GNB1: variants seen among roughly 807,000 people sequenced by gnomAD.
The protein encoded by GNB1 is guanine nucleotide-binding protein G(I)/G(S)/G(T) subunit beta-1.
Under a neutral mutation model 42.9 loss-of-function variants are expected in GNB1, and 2 were observed. The observed-to-expected ratio is 0.05, with a 90% CI of 0.02 to 0.15. The LOEUF (loss-of-function observed/expected upper bound fraction) is 0.15, where lower values mean the gene tolerates loss of function less well. GNB1 is among the 10% of genes least tolerant of loss of function. The probability of loss-of-function intolerance (pLI) is 1.00; values close to 1 mark genes in which losing one functional copy is unlikely to be tolerated. For missense variants in GNB1, 193 were observed against 462.2 expected (o/e 0.42, Z 5.34); for synonymous variants, 183 against 174.7 (o/e 1.05, Z -0.38).
At chr1:1,806,980 G>GA (rs1338858229) in intron 5 of GNB1, among the ~76,000 whole-genome samples, 1 of 151,326 alleles carries the variant, frequency 6.6e-6, no homozygotes, top group Non-Finnish European at 1.5e-5. Context: ...TTTCAAGAAA[G>GA]AAAGAAAGAA....
rs184292844 is a variant in GNB1 at position 1,877,063 on chromosome 1, G to A, written c.-96+13757C>T. On this transcript the variant is annotated intron_variant, in intron 1 of 11. Transcript: ENST00000378609. ...TGCCTGTAATCTCAGCACTTTGGGA[G>A]GCCAAGGTGGGCGGATCACTTGAGG... Among the ~76,000 whole-genome samples, 1,250 of 152,166 alleles carry A rather than the reference G, an allele frequency of 8.2e-3. 21 individuals are homozygous for A. Among genetic ancestry groups the A allele is most frequent in the African/African-American group, 0.029 (1,213 of 41,502 alleles).
intron 4 of GNB1, among the ~76,000 whole-genome samples, chr1:1,816,173 C>A (rs1646852439): frequency 6.6e-6 from 1 of 152,244 alleles, no homozygotes; most frequent in Admixed American, 6.5e-5. Flanking sequence ...CCATCCAGGA[C>A]CATCTCCTCC....
intron 1 of GNB1, among the ~76,000 whole-genome samples, chr1:1,859,085 G>C (rs983171954): frequency 6.6e-6 from 1 of 150,694 alleles, no homozygotes; most frequent in African/African-American, 2.4e-5. Context: ...GCAATAGCGC[G>C]ATCTCAGCTC....
At chr1:1,788,729 G>A in intron 10 of GNB1, 1 of 283,718 alleles carries the variant, frequency 3.5e-6, no homozygotes, top group Non-Finnish European at 6.9e-6. Flanking sequence ...AGGTGTCCCT[G>A]CATGGAACTC....
At chr1:1,809,530 A>G (rs191969453) in intron 5 of GNB1, among the ~76,000 whole-genome samples, 1 of 152,288 alleles carries the variant, frequency 6.6e-6, no homozygotes, top group Admixed American at 6.5e-5. Context: ...TTTCTACGTA[A>G]TGGTATCATG....
At chr1:1,797,125 C>G (rs1453828767) in intron 7 of GNB1, among the ~76,000 whole-genome samples, 2 of 152,180 alleles carry the variant, frequency 1.3e-5, no homozygotes, top group Non-Finnish European at 2.9e-5. Context: ...AGATGCAGCC[C>G]TGTGAGGAAA....
chr1:1,811,349 A>C (rs1646776143), intron 5 of GNB1, among the ~76,000 whole-genome samples: 3 of 151,922 alleles, frequency 2.0e-5, no homozygotes, highest in African/African-American at 7.2e-5. Context: ...TGGCCTCCCA[A>C]AGTGCTGGGG....
At chr1:1,832,786 A>C (rs148912677) in intron 2 of GNB1, among the ~76,000 whole-genome samples, 91 of 152,352 alleles carry the variant, frequency 6.0e-4, no homozygotes, top group African/African-American at 2.0e-3. Flanking sequence ...AATAGGGTAC[A>C]GATATTGAAA....
intron 5 of GNB1, among the ~76,000 whole-genome samples, chr1:1,808,950 GT>G (rs1189626554): frequency 6.6e-6 from 1 of 152,102 alleles, no homozygotes; most frequent in African/African-American, 2.4e-5. Context: ...CAAAACACAG[GT>G]TTTAACTATT....
intron 7 of GNB1, among the ~76,000 whole-genome samples, chr1:1,804,000 A>C (rs1407714332): frequency 2.4e-5 from 3 of 123,260 alleles, no homozygotes; most frequent in Admixed American, 8.8e-5. Flanking sequence ...AAAAAAAAAA[A>C]AAAGAAAAAA....
rs79118358 is a variant in GNB1, at chr1:1,872,341, C to T, written c.-96+18479G>A. ...CTTAAAATTTTTCAACGGCTTCCCA[C>T]TGCATCAAGGAAAACATCCAAGCTC... On this transcript the variant is annotated intron_variant, in intron 1 of 11. Transcript: ENST00000378609. Among the ~76,000 whole-genome samples the T allele has an allele frequency of 8.4e-3, 1,279 of 152,334 alleles. 22 individuals are homozygous for T. The highest frequency in any genetic ancestry group is 0.03 in the African/African-American group (1,228 of 41,562).
chr1:1,815,720 T>C (rs1646844616), intron 5 of GNB1, 36 bp downstream of exon 5: 1 of 1,083,688 alleles, frequency 9.2e-7, no homozygotes, highest in Non-Finnish European at 1.4e-6. Context: ...AGCCCCTGAA[T>C]GTAACAAGCA....
At chr1:1,881,311 C>T (rs545169335) in intron 1 of GNB1, among the ~76,000 whole-genome samples, 2 of 152,204 alleles carry the variant, frequency 1.3e-5, no homozygotes, top group South Asian at 4.2e-4. Context: ...GACTAGAGTC[C>T]CCTCCCTCCC....
rs2100440643 is a variant in GNB1, at chr1:1,786,441, C to T, written c.*622G>A. The stretch of plus-strand genomic sequence containing the variant: ...TTCTTTTCTATGCCACGTTTGTGTG[C>T]AACAATGATCTGTGACATCAGACAG... On this transcript the variant is annotated 3_prime_UTR_variant, in exon 12 of 12. Transcript: ENST00000378609. 1 of 196,996 alleles carries T rather than the reference C, an allele frequency of 5.1e-6. No individual in the cohort carries two copies. The highest frequency in any genetic ancestry group is 1.1e-4 in the East Asian group (1 of 8,982). 12.2% of individuals were successfully genotyped at this position (196,996 alleles called of 1,614,324 possible).
chr1:1,877,510 T>C (rs185733379), intron 1 of GNB1, among the ~76,000 whole-genome samples: 71 of 152,100 alleles, frequency 4.7e-4, no homozygotes, highest in Admixed American at 4.3e-3. Context: ...TTTATTTATT[T>C]TTTTAAAAAT....
At chr1:1,814,009 T>C (rs1266406238) in intron 5 of GNB1, among the ~76,000 whole-genome samples, 1 of 152,230 alleles carries the variant, frequency 6.6e-6, no homozygotes, top group Non-Finnish European at 1.5e-5. Flanking sequence ...CTCTCCGTGC[T>C]GTGTGGCACA....
At chr1:1,841,384 T>C (rs1305859394) in intron 1 of GNB1, among the ~76,000 whole-genome samples, 1 of 152,176 alleles carries the variant, frequency 6.6e-6, no homozygotes, top group Non-Finnish European at 1.5e-5. Flanking sequence ...TTCACTATGT[T>C]GGCCAGGCTG....
In GNB1 at chr1:1,876,237, T is replaced by C. The variant is rs568562080; in HGVS notation, c.-96+14583A>G. Among the ~76,000 whole-genome samples the C allele has an allele frequency of 2.0e-5, 3 of 152,296 alleles. No homozygotes were observed. In the East Asian group the frequency reaches 5.8e-4, roughly 29 times the overall value. On this transcript the variant is annotated intron_variant, in intron 1 of 11. Coordinates refer to ENST00000378609, the MANE Select transcript of GNB1 (RefSeq NM_002074.5). ...GCCACAGGAAACTAACATTGTGTCA[T>C]TTCTGAAGACCTTTACTAAGCCAGA... is the stretch of plus-strand genomic sequence containing the variant.
intron 1 of GNB1, among the ~76,000 whole-genome samples, chr1:1,848,781 C>T (rs1254283929): frequency 6.6e-6 from 1 of 152,220 alleles, no homozygotes; most frequent in Admixed American, 6.5e-5. Context: ...GTTAGCACTC[C>T]TAATCCCTGT....
Sources: allele counts gnomAD v4.1 joint callset (sites outside exome capture counted in the v4.1 genomes callset), GRCh38; gene constraint gnomAD v4.1.1; transcripts MANE v1.5; gene names NCBI Gene and HGNC (gene_info 2026-07-23, HGNC 2026-07-21).